The following CDH13 variants were observed in gnomAD, a reference collection of about 807,000 sequenced individuals.
The protein encoded by CDH13 is cadherin-13.
In CDH13, 24 loss-of-function variants were observed where a neutral mutation model predicts 63.8. That is an observed-to-expected ratio of 0.38 (90% CI 0.27 to 0.53). CDH13 has a LOEUF of 0.53. Ranked by LOEUF, CDH13 falls within the 20% of genes least tolerant of loss-of-function variation. The probability of loss-of-function intolerance (pLI) is 0.85; values close to 1 mark genes in which losing one functional copy is unlikely to be tolerated. For synonymous variants in CDH13, 503 were observed against 355.3 expected (o/e 1.42, Z -4.67); for missense variants, 1,049 against 903.1 (o/e 1.16, Z -2.07).
chr16:82,795,944 C>CTT (rs74501986), intron 1 of CDH13, among the ~76,000 whole-genome samples: 502 of 136,188 alleles, frequency 3.7e-3, no homozygotes, highest in South Asian at 0.019. Flanking sequence ...ACCCTTCATT[C>CTT]TTTTTTTTTT....
At chr16:83,399,960 C>G (rs1039209254) in intron 6 of CDH13, among the ~76,000 whole-genome samples, 2 of 152,138 alleles carry the variant, frequency 1.3e-5, no homozygotes, top group Admixed American at 6.5e-5. Context: ...CACCAAAAAA[C>G]CACCTATGTG....
chr16:83,411,065 C>T (rs112121837), intron 6 of CDH13, among the ~76,000 whole-genome samples: 4,289 of 152,270 alleles, frequency 0.028, 79 homozygotes, highest in Middle Eastern at 0.058. Context: ...CCATCCATAG[C>T]GGTCGTGGTC....
chr16:83,362,249 A>G (rs1432644043), intron 6 of CDH13, among the ~76,000 whole-genome samples: 1 of 152,180 alleles, frequency 6.6e-6, no homozygotes, highest in African/African-American at 2.4e-5. Context: ...CCACATATTC[A>G]TGAGGCAATC....
intron 2 of CDH13, among the ~76,000 whole-genome samples, chr16:83,010,885 C>T (rs191124882): frequency 8.5e-4 from 129 of 152,234 alleles, no homozygotes; most frequent in African/African-American, 2.7e-3. Flanking sequence ...TTCTTTAAGG[C>T]GAAACTTAAA....
At chr16:82,792,084 A>T (rs78769407) in intron 1 of CDH13, among the ~76,000 whole-genome samples, 72 of 152,232 alleles carry the variant, frequency 4.7e-4, no homozygotes, top group African/African-American at 1.7e-3. Context: ...CGGATCTGTG[A>T]CTGGCTTCTA....
At chr16:83,173,614 G>A (rs9938794) in intron 4 of CDH13, among the ~76,000 whole-genome samples, 25,077 of 152,038 alleles carry the variant, frequency 0.16, 2,828 homozygotes, top group African/African-American at 0.3. Flanking sequence ...AAGAATTTGT[G>A]TTTGTTTATC....
At chr16:83,313,429 C>G (rs2090040904) in intron 5 of CDH13, among the ~76,000 whole-genome samples, 1 of 152,146 alleles carries the variant, frequency 6.6e-6, no homozygotes, top group Non-Finnish European at 1.5e-5. Context: ...CCTAAACTTT[C>G]AGCTATCCAG....
At chr16:82,781,839 G>A (rs2035768986) in intron 1 of CDH13, among the ~76,000 whole-genome samples, 3 of 152,168 alleles carry the variant, frequency 2.0e-5, no homozygotes, top group African/African-American at 7.2e-5. Context: ...GATCTAGTAC[G>A]GGAGTATATG....
chr16:82,838,265 A>C (rs112336141), intron 1 of CDH13, among the ~76,000 whole-genome samples: 2 of 152,232 alleles, frequency 1.3e-5, no homozygotes, highest in South Asian at 4.1e-4. Flanking sequence ...ATTCTTGTTC[A>C]TGGGTATCTC....
intron 8 of CDH13, among the ~76,000 whole-genome samples, chr16:83,614,434 C>G (rs543453256): frequency 4.7e-4 from 71 of 152,328 alleles, no homozygotes; most frequent in African/African-American, 1.4e-3. Flanking sequence ...GGCCCTCTGG[C>G]CTCTTAGACA....
At chr16:83,050,706 C>A (rs1293532907) in intron 3 of CDH13, among the ~76,000 whole-genome samples, 1 of 152,104 alleles carries the variant, frequency 6.6e-6, no homozygotes, top group African/African-American at 2.4e-5. Context: ...AGCGCATCTC[C>A]ACCCGTACAT....
At chr16:83,540,641 A>G (rs2075281399) in intron 7 of CDH13, among the ~76,000 whole-genome samples, 1 of 152,228 alleles carries the variant, frequency 6.6e-6, no homozygotes, top group African/African-American at 2.4e-5. Context: ...AAGTAGTAAC[A>G]GTAGTAACTG....
In CDH13 at chr16:82,952,451, T is replaced by C. The variant is rs149260014; in HGVS notation, c.158-79559T>C. 2.6e-4 allele frequency among the ~76,000 whole-genome samples: 40 copies of C among 152,322 alleles called. No individual in the cohort carries two copies. In the East Asian group the frequency reaches 7.7e-3, roughly 29 times the overall value. ...TTGGCTAGCATTCATGCCCGTAAGT[T>C]ATCCTCTTGCCTAGAGCAGTGATGG... On this transcript the variant is annotated intron_variant, in intron 2 of 13. Coordinates refer to ENST00000567109, the MANE Select transcript of CDH13 (RefSeq NM_001257.5).
At chr16:83,556,530 C>G (rs4782815) in intron 7 of CDH13, among the ~76,000 whole-genome samples, 137,988 of 152,176 alleles carry the variant, frequency 0.91, 62,859 homozygotes, top group Non-Finnish European at 0.95. Flanking sequence ...GGAAATTGAA[C>G]CTCGGAGGGG....
At chr16:82,972,425 A>G (rs1464462082) in intron 2 of CDH13, among the ~76,000 whole-genome samples, 2 of 152,150 alleles carry the variant, frequency 1.3e-5, no homozygotes, top group Non-Finnish European at 2.9e-5. Flanking sequence ...TGAAAGTCAC[A>G]CAGCCCAGCA....
intron 4 of CDH13, among the ~76,000 whole-genome samples, chr16:83,126,795 C>G (rs935568341): frequency 5.3e-5 from 8 of 152,166 alleles, no homozygotes; most frequent in Non-Finnish European, 1.0e-4. Context: ...ATTAAATACA[C>G]AGTACATGTG....
intron 5 of CDH13, among the ~76,000 whole-genome samples, chr16:83,244,588 T>C (rs961602886): frequency 1.3e-5 from 2 of 152,088 alleles, no homozygotes; most frequent in African/African-American, 2.4e-5. Flanking sequence ...GTGTCATTGG[T>C]CCCCAACACC....
At chr16:83,773,052 T>A (rs890547762) in intron 11 of CDH13, 4 of 152,156 alleles carry the variant, frequency 2.6e-5, no homozygotes, top group Non-Finnish European at 5.9e-5. Context: ...TAGGCATCTG[T>A]GTTTGCTAAT....
chr16:83,374,337 G>C (rs2091424269), intron 6 of CDH13, among the ~76,000 whole-genome samples: 1 of 152,158 alleles, frequency 6.6e-6, no homozygotes, highest in South Asian at 2.1e-4. Context: ...AAGATTCCAA[G>C]CCAAATTCCA....
Sources: gnomAD v4.1 joint callset for allele counts (sites outside exome capture counted in the v4.1 genomes callset) on GRCh38, gnomAD v4.1.1 for gene constraint, MANE v1.5 for transcripts, NCBI Gene and HGNC (gene_info 2026-07-23, HGNC 2026-07-21) for gene names.